FER: variants seen among roughly 807,000 people sequenced by gnomAD.
FER encodes tyrosine-protein kinase Fer.
A neutral mutation model predicts 111.0 loss-of-function variants in FER; 63 were observed. That is an observed-to-expected ratio of 0.57 (90% CI 0.46 to 0.70). The LOEUF (loss-of-function observed/expected upper bound fraction) is 0.70. Among genes scored for constraint, FER ranks in the 30% least tolerant of loss-of-function variants. The pLI, the probability that FER is intolerant of heterozygous loss-of-function variation, is 0.00. For synonymous variants in FER, 327 were observed against 313.9 expected (o/e 1.04, Z -0.44); for missense variants, 914 against 954.0 (o/e 0.96, Z 0.55).
At chr5:109,058,412 C>G (rs1226734141) in intron 16 of FER, among the ~76,000 whole-genome samples, 1 of 152,000 alleles carries the variant, frequency 6.6e-6, no homozygotes, top group Non-Finnish European at 1.5e-5. Context: ...AATATGTTTT[C>G]TTTGCTCCCA....
intron 11 of FER, among the ~76,000 whole-genome samples, chr5:108,950,990 G>A (rs896762181): frequency 2.6e-5 from 4 of 151,978 alleles, no homozygotes; most frequent in African/African-American, 9.7e-5. Flanking sequence ...AATTTATAGG[G>A]CCAGGCATGG....
intron 10 of FER, among the ~76,000 whole-genome samples, chr5:108,934,829 A>C (rs575786775): frequency 1.3e-5 from 2 of 152,130 alleles, no homozygotes; most frequent in Admixed American, 1.3e-4. Flanking sequence ...TATTTCTGAC[A>C]GTGGATTTTG....
intron 6 of FER, among the ~76,000 whole-genome samples, chr5:108,869,367 C>T (rs1479867723): frequency 6.6e-6 from 1 of 152,072 alleles, no homozygotes; most frequent in Non-Finnish European, 1.5e-5. Flanking sequence ...CTGCACTCTC[C>T]GTGAGAGGAA....
chr5:109,061,006 C>T (rs1008304661), intron 16 of FER, among the ~76,000 whole-genome samples: 2 of 152,128 alleles, frequency 1.3e-5, no homozygotes, highest in Non-Finnish European at 2.9e-5. Flanking sequence ...CTATTCTAAC[C>T]TGATACTTGT....
chr5:109,167,045 C>T (rs779443936), intron 17 of FER, among the ~76,000 whole-genome samples: 1 of 152,130 alleles, frequency 6.6e-6, no homozygotes, highest in Non-Finnish European at 1.5e-5. Context: ...TACCTTCAAA[C>T]TTGAAATTTT....
intron 16 of FER, among the ~76,000 whole-genome samples, chr5:109,071,936 T>C (rs1412144165): frequency 6.6e-6 from 1 of 151,818 alleles, no homozygotes; most frequent in Non-Finnish European, 1.5e-5. Flanking sequence ...GAATATTTGC[T>C]AGTGATATAT....
chr5:108,838,202 G>A (rs1760867221), intron 5 of FER, among the ~76,000 whole-genome samples: 2 of 152,230 alleles, frequency 1.3e-5, no homozygotes, highest in East Asian at 1.9e-4. Flanking sequence ...ATGATGAGCT[G>A]TAATGGCAAA....
chr5:108,776,545 A>G (rs769684303), intron 2 of FER, among the ~76,000 whole-genome samples: 7 of 152,174 alleles, frequency 4.6e-5, no homozygotes, highest in Non-Finnish European at 1.0e-4. Context: ...AGATACTTGC[A>G]TATACCCTTA....
At position 108,960,503 on chromosome 5, in the gene FER, T is replaced by G. The variant is rs1429687334; in HGVS notation, c.1656+1156T>G. 3.3e-5 allele frequency among the ~76,000 whole-genome samples: 5 copies of G among 152,052 alleles called. No homozygotes were observed. In the South Asian group the frequency reaches 1.0e-3, roughly 32 times the overall value. ...CCTTAATTACCAAAACCATAAAAAA[T>G]TCTTCTTCAGCCTGAAATAGGTTGT... On this transcript the variant is annotated intron_variant, in intron 13 of 19. Coordinates refer to ENST00000281092, the MANE Select transcript of FER (RefSeq NM_005246.4).
At chr5:109,131,196 A>G (rs1752321446) in intron 17 of FER, among the ~76,000 whole-genome samples, 1 of 152,170 alleles carries the variant, frequency 6.6e-6, no homozygotes, top group Non-Finnish European at 1.5e-5. Flanking sequence ...ATTATTTAGC[A>G]TTTAGCAGTA....
At chr5:109,164,888 T>A (rs1292968335) in intron 17 of FER, among the ~76,000 whole-genome samples, 1 of 152,210 alleles carries the variant, frequency 6.6e-6, no homozygotes, top group Non-Finnish European at 1.5e-5. Context: ...TGTCTCCATT[T>A]TTTAAACAGA....
At chr5:109,026,827 C>T (rs189733456) in intron 13 of FER, among the ~76,000 whole-genome samples, 62 of 152,072 alleles carry the variant, frequency 4.1e-4, no homozygotes, top group South Asian at 1.2e-3. Context: ...TACAGGCGCC[C>T]GCCACCATGC....
At chr5:108,893,174 C>A (rs1748439279) in intron 9 of FER, among the ~76,000 whole-genome samples, 2 of 152,078 alleles carry the variant, frequency 1.3e-5, no homozygotes, top group South Asian at 2.1e-4. Flanking sequence ...TCCATATGAA[C>A]TTTAAAGTAG....
intron 5 of FER, among the ~76,000 whole-genome samples, chr5:108,847,805 C>T (rs1040183496): frequency 2.6e-5 from 4 of 151,886 alleles, no homozygotes; most frequent in South Asian, 4.2e-4. Context: ...TTATTCATTC[C>T]GTTTGATATT....
chr5:108,820,169 G>A, intron 3 of FER: 1 of 985,368 alleles, frequency 1.0e-6, no homozygotes, highest in Non-Finnish European at 1.2e-6. Context: ...TGTTTTAACA[G>A]TCCTCTACTA....
chr5:109,154,943 A>G (rs187693949), intron 17 of FER, among the ~76,000 whole-genome samples: 3 of 152,032 alleles, frequency 2.0e-5, no homozygotes, highest in African/African-American at 2.4e-5. Flanking sequence ...TATGAGTCCT[A>G]TAACTACAGA....
intron 10 of FER, among the ~76,000 whole-genome samples, chr5:108,908,686 A>G (rs1313945946): frequency 1.3e-5 from 2 of 149,080 alleles, no homozygotes; most frequent in East Asian, 2.0e-4. Context: ...GCGCCATTGC[A>G]CTCTAGCCTG....
At chr5:108,888,970 T>G (rs1431068357) in intron 9 of FER, among the ~76,000 whole-genome samples, 1 of 151,884 alleles carries the variant, frequency 6.6e-6, no homozygotes, top group Non-Finnish European at 1.5e-5. Flanking sequence ...GGTATTAAGA[T>G]AGTGTCTCTG....
intron 5 of FER, among the ~76,000 whole-genome samples, chr5:108,840,587 A>T (rs1173352984): frequency 6.6e-6 from 1 of 151,506 alleles, no homozygotes; most frequent in Non-Finnish European, 1.5e-5. Context: ...GGATTGTCTG[A>T]TTGCATTCTC....
Sources: gnomAD v4.1 joint callset for allele counts (sites outside exome capture counted in the v4.1 genomes callset) on GRCh38, gnomAD v4.1.1 for gene constraint, MANE v1.5 for transcripts, NCBI Gene and HGNC (gene_info 2026-07-23, HGNC 2026-07-21) for gene names.